FLRT2: variants seen among roughly 807,000 people sequenced by gnomAD.
FLRT2 encodes the protein leucine-rich repeat transmembrane protein FLRT2.
In FLRT2, 15 loss-of-function variants were observed where a neutral mutation model predicts 40.0. The observed-to-expected ratio is 0.38, with a 90% CI of 0.25 to 0.58. FLRT2 has a LOEUF of 0.58. FLRT2 is among the 20% of genes least tolerant of loss of function. The pLI is 0.71. For missense variants in FLRT2, 726 were observed against 840.0 expected, an observed-to-expected ratio of 0.86 and a Z score of 1.68; for synonymous variants, 380 against 336.8, an observed-to-expected ratio of 1.13 and a Z score of -1.41.
In FLRT2 at chr14:85,636,617, G is replaced by T. The variant is rs1164072734; in HGVS notation, c.*13120G>T. ...AAAGAAAAAGAAAGGCAAATAAAAT[G>T]TTTATATGAAATTACGAACATTCTG... On this transcript the variant is annotated 3_prime_UTR_variant, in exon 2 of 2. Coordinates refer to ENST00000330753, the MANE Select transcript of FLRT2 (RefSeq NM_013231.6). 6.6e-6 allele frequency: 1 copy of T among 151,960 alleles called. No individual in the cohort carries two copies. Among genetic ancestry groups the T allele is most frequent in the Non-Finnish European group, 1.5e-5 (1 of 67,978 alleles). The allele number at this position is 151,960 out of a possible 1,614,324, so 9.4% of individuals were successfully genotyped here. A position where few individuals can be genotyped will look rare whatever the true frequency, so the allele number is the denominator to read the frequency against.
chr14:85,613,108 A>G (rs1054915482), intron 1 of FLRT2, among the ~76,000 whole-genome samples: 2 of 152,106 alleles, frequency 1.3e-5, no homozygotes, highest in Non-Finnish European at 1.5e-5. Flanking sequence ...ATGCAATTAA[A>G]GTTCGGTTGA....
chr14:85,596,342 T>A lies in FLRT2; in HGVS notation c.-376-24797T>A, dbSNP rs1007611778. Among the ~76,000 whole-genome samples the A allele has an allele frequency of 8.5e-5, 13 of 152,344 alleles. No individual in the cohort carries two copies. The Middle Eastern group carries it at 0.01, about 120-fold the overall frequency. ...AGAATCTTAAATAGAATCAGGCGTT[T>A]CTGTAAATATTGAAACAACTGGACA... On this transcript the variant is annotated intron_variant, in intron 1 of 1. Transcript: ENST00000330753.
chr14:85,581,631 C>T (rs939599612), intron 1 of FLRT2, among the ~76,000 whole-genome samples: 1 of 152,088 alleles, frequency 6.6e-6, no homozygotes, highest in Admixed American at 6.5e-5. Flanking sequence ...ATTAAATTAT[C>T]TCTATAAAGT....
chr14:85,631,368 T>C lies in FLRT2; in HGVS notation c.*7871T>C, dbSNP rs1893868687. On this transcript the variant is annotated 3_prime_UTR_variant, in exon 2 of 2. Coordinates refer to ENST00000330753, the MANE Select transcript of FLRT2 (RefSeq NM_013231.6). ...TTAAAATACATTTATTTTTAGCACC[T>C]ATATATTGTAATTTTTTGTGAGTCT... 6.6e-6 allele frequency: 1 copy of C among 152,062 alleles called. No homozygotes were observed. Among genetic ancestry groups the C allele is most frequent in the Admixed American group, 6.5e-5 (1 of 15,268 alleles). 9.4% of individuals were successfully genotyped at this position (152,062 alleles called of 1,614,324 possible).
intron 1 of FLRT2, among the ~76,000 whole-genome samples, chr14:85,617,549 G>A (rs763323688): frequency 3.8e-4 from 58 of 152,206 alleles, no homozygotes; most frequent in Non-Finnish European, 5.4e-4. Flanking sequence ...CCAACTTAAA[G>A]TCTAAAAGGA....
chr14:85,548,516 A>G (rs1889412849), intron 1 of FLRT2, among the ~76,000 whole-genome samples: 1 of 152,246 alleles, frequency 6.6e-6, no homozygotes, highest in South Asian at 2.1e-4. Context: ...GTTGAATTGA[A>G]TTATTAAGCT....
chr14:85,578,632 G>A (rs144521060), intron 1 of FLRT2, among the ~76,000 whole-genome samples: 1 of 152,240 alleles, frequency 6.6e-6, no homozygotes, highest in Non-Finnish European at 1.5e-5. Context: ...TCGTAGCATC[G>A]TGGGGAGATA....
chr14:85,587,445 A>T (rs1286659799), intron 1 of FLRT2, among the ~76,000 whole-genome samples: 1 of 152,140 alleles, frequency 6.6e-6, no homozygotes, highest in Non-Finnish European at 1.5e-5. Flanking sequence ...TGTGCATTTG[A>T]TGTATAATCT....
intron 1 of FLRT2, among the ~76,000 whole-genome samples, chr14:85,576,967 C>A (rs1891148721): frequency 6.6e-6 from 1 of 152,180 alleles, no homozygotes; most frequent in Non-Finnish European, 1.5e-5. Context: ...CATGTGTGCT[C>A]CTGATCTTAA....
chr14:85,580,680 A>G (rs181397384), intron 1 of FLRT2, among the ~76,000 whole-genome samples: 104 of 152,298 alleles, frequency 6.8e-4, no homozygotes, highest in Non-Finnish European at 1.1e-3. Flanking sequence ...ATGATGAGCT[A>G]TCATCAGAAA....
intron 1 of FLRT2, among the ~76,000 whole-genome samples, chr14:85,537,098 T>C (rs910045472): frequency 4.6e-5 from 7 of 152,200 alleles, no homozygotes; most frequent in Admixed American, 2.6e-4. Context: ...TGTGAACTTA[T>C]GGTACAGATC....
At chr14:85,601,065 G>A (rs1465501458) in intron 1 of FLRT2, among the ~76,000 whole-genome samples, 1 of 152,156 alleles carries the variant, frequency 6.6e-6, no homozygotes, top group Non-Finnish European at 1.5e-5. Context: ...GATTGGATGA[G>A]GGGCACAAGC....
intron 1 of FLRT2, among the ~76,000 whole-genome samples, chr14:85,601,284 C>T (rs74070173): frequency 0.022 from 3,339 of 152,314 alleles, 100 homozygotes; most frequent in African/African-American, 0.075. Flanking sequence ...GTTGAACTCA[C>T]CATGGACTAG....
intron 1 of FLRT2, among the ~76,000 whole-genome samples, chr14:85,560,264 G>A (rs559477751): frequency 6.6e-6 from 1 of 152,210 alleles, no homozygotes; most frequent in African/African-American, 2.4e-5. Context: ...AAGCCAGAAG[G>A]AGAAATGTAT....
In FLRT2 at chr14:85,611,917, CGTGTGTGTGTGT is replaced by C. The variant is rs71120529; in HGVS notation, c.-376-9187_-376-9176del. Among the ~76,000 whole-genome samples the C allele has an allele frequency of 1.3e-3, 164 of 130,952 alleles. 1 individual carries two copies. Among genetic ancestry groups the C allele is most frequent in the Middle Eastern group, 4.4e-3 (1 of 226 alleles). The allele number at this position is 130,952 out of a possible 152,430, so 85.9% of individuals were successfully genotyped here. A position where few individuals can be genotyped will look rare whatever the true frequency, so the allele number is the denominator to read the frequency against. The stretch of plus-strand genomic sequence containing the variant: ...GAGAGAGAGCGCGCGTGCGCGAAAG[CGTGTGTGTGTGT>C]GTGTGTGTGTGTGTGTGTGTGTGTG... On this transcript the variant is annotated intron_variant, in intron 1 of 1. Transcript: ENST00000330753.
rs1893761633 is a variant in FLRT2, at chr14:85,627,982, T to C, written c.*4485T>C. On this transcript the variant is annotated 3_prime_UTR_variant, in exon 2 of 2. Coordinates refer to ENST00000330753, the MANE Select transcript of FLRT2 (RefSeq NM_013231.6). ...ATACAGTCAATACTTGTGCTGTTAA[T>C]GTAGAAGAAATGACGCAGGAGGGCA... 1 of 166,388 alleles carries C rather than the reference T, an allele frequency of 6.0e-6. No homozygotes were observed. Among genetic ancestry groups the C allele is most frequent in the South Asian group, 2.1e-4 (1 of 4,836 alleles). 10.3% of individuals were successfully genotyped at this position (166,388 alleles called of 1,614,324 possible). A position where few individuals can be genotyped will look rare whatever the true frequency, so the allele number is the denominator to read the frequency against.
chr14:85,543,121 ATAC>A (rs1889076015), intron 1 of FLRT2, among the ~76,000 whole-genome samples: 2 of 152,260 alleles, frequency 1.3e-5, no homozygotes, highest in Non-Finnish European at 2.9e-5. Flanking sequence ...GCCCTTTGCT[ATAC>A]TCAGTGTGCA....
At chr14:85,562,648 A>T (rs1169888477) in intron 1 of FLRT2, 1 of 104,276 alleles carries the variant, frequency 9.6e-6, no homozygotes. Context: ...TCTAGACTCA[A>T]GATATATTAA....
At chr14:85,614,386 G>A (rs2747009) in intron 1 of FLRT2, among the ~76,000 whole-genome samples, 126,766 of 149,596 alleles carry the variant, frequency 0.85, 53,743 homozygotes, top group East Asian at 0.93. Flanking sequence ...AAAAAAAAAA[G>A]GTAAAATTCA....
Sources: allele counts gnomAD v4.1 joint callset (sites outside exome capture counted in the v4.1 genomes callset), GRCh38; gene constraint gnomAD v4.1.1; transcripts MANE v1.5; gene names NCBI Gene and HGNC (gene_info 2026-07-23, HGNC 2026-07-21).